The following SRD5A2 variants were observed in gnomAD, a reference collection of about 807,000 sequenced individuals.
SRD5A2 encodes the protein 3-oxo-5-alpha-steroid 4-dehydrogenase 2.
Under a neutral mutation model 27.4 loss-of-function variants are expected in SRD5A2, and 30 were observed. The ratio of observed to expected loss-of-function variants is 1.10; its 90% CI spans 0.82 to 1.49. SRD5A2 has a LOEUF of 1.49. Ranked by LOEUF, SRD5A2 falls within the 40% of genes most tolerant of loss-of-function variation. The probability of loss-of-function intolerance (pLI) is 0.00; values close to 1 mark genes in which losing one functional copy is unlikely to be tolerated. For synonymous variants in SRD5A2, 141 were observed against 133.6 expected (o/e 1.06, Z -0.38); for missense variants, 348 against 323.4 (o/e 1.08, Z -0.58).
upstream of SRD5A2, among the ~76,000 whole-genome samples, chr2:31,585,881 G>A (rs1667167217): frequency 6.6e-6 from 1 of 152,086 alleles, no homozygotes; most frequent in African/African-American, 2.4e-5. Flanking sequence ...TGACTTAATA[G>A]CCTTTCTGCC....
the SRD5A2 span, among the ~76,000 whole-genome samples, chr2:31,591,833 A>G: frequency 8.5e-6 from 1 of 118,014 alleles, no homozygotes; most frequent in Non-Finnish European, 1.7e-5. Context: ...AAACTATCGC[A>G]AGGACAAAAA....
chr2:31,606,267 G>A, the SRD5A2 span, among the ~76,000 whole-genome samples: 1 of 151,854 alleles, frequency 6.6e-6, no homozygotes, highest in Admixed American at 6.6e-5. Context: ...CAATTTAATT[G>A]TACACTTTGA....
the SRD5A2 span, among the ~76,000 whole-genome samples, chr2:31,655,462 G>T: frequency 6.6e-6 from 1 of 152,218 alleles, no homozygotes; most frequent in African/African-American, 2.4e-5. Flanking sequence ...CCAGGCAGAG[G>T]ATGGGAAGTT....
At chr2:31,531,025 C>T (rs1231057231) in intron 3 of SRD5A2, among the ~76,000 whole-genome samples, 3 of 152,232 alleles carry the variant, frequency 2.0e-5, no homozygotes, top group African/African-American at 7.2e-5. Context: ...GCATCATTTG[C>T]AACCTAGAAA....
the SRD5A2 span, among the ~76,000 whole-genome samples, chr2:31,623,130 G>A: frequency 6.6e-6 from 1 of 151,960 alleles, no homozygotes; most frequent in African/African-American, 2.4e-5. Flanking sequence ...AAAACTTCTT[G>A]AACCACCACT....
rs774959761 is a variant in SRD5A2, at chr2:31,580,609, A to G, written c.281+11T>C. ...GCGCTGCACTGGGCGCCCGCAAGGG[A>G]AAAACGCTACCTGTGGAAGTAATGT... On this transcript the variant is annotated intron_variant, in intron 1 of 4. Transcript: ENST00000622030. The G allele has an allele frequency of 2.4e-5, 37 of 1,532,716 alleles. No homozygotes were observed. The highest frequency in any genetic ancestry group is 2.0e-4 in the Middle Eastern group (1 of 4,984). 94.9% of individuals were successfully genotyped at this position (1,532,716 alleles called of 1,614,324 possible).
intron 1 of SRD5A2, among the ~76,000 whole-genome samples, chr2:31,557,257 C>T (rs1666516920): frequency 6.6e-6 from 1 of 152,238 alleles, no homozygotes; most frequent in Non-Finnish European, 1.5e-5. Flanking sequence ...ACCTTGGGCA[C>T]ATGACTTTGA....
rs1392245946 is a variant in SRD5A2, at chr2:31,523,410, C to T, written c.*2786G>A. 1 of 216,602 alleles carries T rather than the reference C, an allele frequency of 4.6e-6. No individual in the cohort carries two copies. The highest frequency in any genetic ancestry group is 9.3e-6 in the Non-Finnish European group (1 of 107,696). The allele number at this position is 216,602 out of a possible 1,614,324, so 13.4% of individuals were successfully genotyped here. On this transcript the variant is annotated 3_prime_UTR_variant, in exon 5 of 5. Transcript: ENST00000622030. The stretch of plus-strand genomic sequence containing the variant: ...CTGTGCCTTAAGCAGAAGAAGCATA[C>T]ATCTGACCCTCAAAGGGACAAAATG...
chr2:31,538,859 G>A (rs1292003890), intron 1 of SRD5A2, among the ~76,000 whole-genome samples: 4 of 152,180 alleles, frequency 2.6e-5, no homozygotes, highest in African/African-American at 9.7e-5. Flanking sequence ...CCACAAGAAT[G>A]TATGCACCAT....
chr2:31,650,436 G>T, the SRD5A2 span, among the ~76,000 whole-genome samples: 3 of 152,104 alleles, frequency 2.0e-5, no homozygotes, highest in Non-Finnish European at 4.4e-5. Context: ...CTCGAGAACT[G>T]CACTGTGTCT....
the SRD5A2 span, among the ~76,000 whole-genome samples, chr2:31,647,793 T>G: frequency 2.0e-5 from 3 of 152,230 alleles, no homozygotes; most frequent in Admixed American, 1.3e-4. Flanking sequence ...TTGCTTTTTA[T>G]TTAACATTAT....
the SRD5A2 span, among the ~76,000 whole-genome samples, chr2:31,600,017 T>C: frequency 1.2e-4 from 18 of 152,106 alleles, no homozygotes; most frequent in African/African-American, 4.3e-4. Context: ...CAGTGTCTGT[T>C]GTTCCCCTCT....
At chr2:31,552,126 C>A (rs1666392935) in intron 1 of SRD5A2, among the ~76,000 whole-genome samples, 1 of 151,190 alleles carries the variant, frequency 6.6e-6, no homozygotes, top group African/African-American at 2.4e-5. Flanking sequence ...TGGTCCCTCA[C>A]CTCATTATTC....
At chr2:31,575,184 C>A (rs1444270393) in intron 1 of SRD5A2, among the ~76,000 whole-genome samples, 1 of 151,962 alleles carries the variant, frequency 6.6e-6, no homozygotes, top group Admixed American at 6.6e-5. Context: ...GCCATTAATT[C>A]TCATTCTGAT....
chr2:31,529,068 T>A (rs142716419), intron 4 of SRD5A2, among the ~76,000 whole-genome samples: 1 of 152,240 alleles, frequency 6.6e-6, no homozygotes, highest in African/African-American at 2.4e-5. Flanking sequence ...CAGTTGCCTC[T>A]GTTTACATGG....
chr2:31,600,899 C>G, the SRD5A2 span, among the ~76,000 whole-genome samples: 1 of 151,762 alleles, frequency 6.6e-6, no homozygotes, highest in South Asian at 2.1e-4. Flanking sequence ...GCAAGGATGG[C>G]TAAACATATG....
At chr2:31,596,293 C>T in the SRD5A2 span, among the ~76,000 whole-genome samples, 1 of 146,182 alleles carries the variant, frequency 6.8e-6, no homozygotes, top group Non-Finnish European at 1.5e-5. Context: ...GAGGCTGAGA[C>T]AGGAGAATCA....
intron 1 of SRD5A2, among the ~76,000 whole-genome samples, chr2:31,557,222 T>A (rs142369028): frequency 3.2e-4 from 49 of 152,312 alleles, no homozygotes; most frequent in Non-Finnish European, 2.1e-4. Context: ...AGGGGAGGAA[T>A]CACCCTGAAG....
At chr2:31,640,371 G>A in the SRD5A2 span, among the ~76,000 whole-genome samples, 31 of 152,074 alleles carry the variant, frequency 2.0e-4, no homozygotes, top group South Asian at 6.5e-3. Flanking sequence ...TCCTTTTGGG[G>A]AGTTTGTGGT....
Sources: allele counts gnomAD v4.1 joint callset (sites outside exome capture counted in the v4.1 genomes callset), GRCh38; gene constraint gnomAD v4.1.1; transcripts MANE v1.5; gene names NCBI Gene and HGNC (gene_info 2026-07-23, HGNC 2026-07-21).